Variants in THSD4 observed in about 807,000 individuals in gnomAD.
The protein encoded by THSD4 is thrombospondin type-1 domain-containing protein 4.
THSD4 carries 69 observed loss-of-function variants against 119.0 expected under a neutral mutation model. The observed-to-expected ratio is 0.58, with a 90% CI of 0.48 to 0.71. The LOEUF is 0.71. Ranked by LOEUF, THSD4 falls within the 30% of genes least tolerant of loss-of-function variation. THSD4 has a pLI of 0.00. For missense variants in THSD4, 1,393 were observed against 1,391.1 expected (o/e 1.00, Z -0.02); for synonymous variants, 524 against 540.4 (o/e 0.97, Z 0.42).
At chr15:71,608,880 G>A (rs1595783241) in intron 7 of THSD4, among the ~76,000 whole-genome samples, 1 of 152,328 alleles carries the variant, frequency 6.6e-6, no homozygotes, top group East Asian at 1.9e-4. Flanking sequence ...GGGGCCGGTG[G>A]ATGATTTCAC....
chr15:71,477,560 AAG>A (rs1407998932), intron 7 of THSD4, among the ~76,000 whole-genome samples: 2 of 152,224 alleles, frequency 1.3e-5, no homozygotes, highest in Non-Finnish European at 2.9e-5. Context: ...GTTATGGAAA[AAG>A]AAATAAAAGC....
Position 71,618,921 on chromosome 15 carries a change from G to A in THSD4, c.1153-41609G>A, listed in dbSNP as rs531415236. ...ATGTTTTGTTTTCTCAAAAAGGAAG[G>A]TACTTTAAACAAAAGTAACAAAAAC... is the stretch of plus-strand genomic sequence containing the variant. On this transcript the variant is annotated intron_variant, in intron 7 of 17. Transcript: ENST00000261862. 6.5e-4 allele frequency among the ~76,000 whole-genome samples: 99 copies of A among 151,672 alleles called. 1 individual carries two copies. Among genetic ancestry groups the A allele is most frequent in the African/African-American group, 2.0e-3 (83 of 41,314 alleles).
At chr15:71,267,788 A>G (rs1325818809) in intron 6 of THSD4, among the ~76,000 whole-genome samples, 1 of 152,204 alleles carries the variant, frequency 6.6e-6, no homozygotes, top group Admixed American at 6.5e-5. Context: ...AATGGAAAGC[A>G]AAAAAGGCAT....
At chr15:71,344,452 T>G (rs1397393377) in intron 6 of THSD4, among the ~76,000 whole-genome samples, 1 of 152,094 alleles carries the variant, frequency 6.6e-6, no homozygotes, top group East Asian at 1.9e-4. Context: ...AGGGCACCAT[T>G]CAGCTCACCA....
intron 3 of THSD4, among the ~76,000 whole-genome samples, chr15:71,199,880 G>GTGTGTGA (rs2043781109): frequency 5.7e-4 from 21 of 37,108 alleles, no homozygotes; most frequent in Admixed American, 1.9e-3. Context: ...TGTGTGTGTG[G>GTGTGTGA]TGCATGTGTG....
chr15:71,119,369 C>T (rs2040389950), intron 1 of THSD4, among the ~76,000 whole-genome samples: 1 of 152,216 alleles, frequency 6.6e-6, no homozygotes, highest in South Asian at 2.1e-4. Context: ...TTCTTCCGCA[C>T]ACCCAGGTTT....
At chr15:71,365,131 T>TTGTGTGTGTGTGTGGG (rs2045942098) in intron 6 of THSD4, among the ~76,000 whole-genome samples, 1 of 135,824 alleles carries the variant, frequency 7.4e-6, no homozygotes, top group African/African-American at 2.7e-5. Flanking sequence ...GCCCCCCCCA[T>TTGTGTGTGTGTGTGGG]TGTGTGTGTG....
At chr15:71,424,596 A>C (rs1238469575) in intron 7 of THSD4, among the ~76,000 whole-genome samples, 1 of 152,160 alleles carries the variant, frequency 6.6e-6, no homozygotes, top group Non-Finnish European at 1.5e-5. Context: ...ATATCTGGCC[A>C]GTCTTCAGAG....
At chr15:71,588,374 T>C (rs1215703276) in intron 7 of THSD4, among the ~76,000 whole-genome samples, 2 of 151,412 alleles carry the variant, frequency 1.3e-5, no homozygotes, top group African/African-American at 4.9e-5. Context: ...GGAGGAAATA[T>C]CATACTGGTG....
chr15:71,196,216 C>G (rs2043718201), intron 3 of THSD4, among the ~76,000 whole-genome samples: 1 of 151,990 alleles, frequency 6.6e-6, no homozygotes, highest in South Asian at 2.1e-4. Flanking sequence ...TCTTCAAGAC[C>G]TAATTACCTC....
intron 6 of THSD4, among the ~76,000 whole-genome samples, chr15:71,336,435 T>C (rs2045490607): frequency 6.6e-6 from 1 of 152,272 alleles, no homozygotes; most frequent in African/African-American, 2.4e-5. Flanking sequence ...AATTTTATAC[T>C]TTATCATTTT....
chr15:71,694,671 T>TG (rs1270519108), intron 8 of THSD4, among the ~76,000 whole-genome samples: 4 of 152,212 alleles, frequency 2.6e-5, no homozygotes, highest in South Asian at 2.1e-4. Context: ...GCCCATATTA[T>TG]GATGTCCCAA....
intron 10 of THSD4, chr15:71,733,951 A>ATTATTG (rs145091174): frequency 7.1e-6 from 1 of 140,194 alleles, no homozygotes; most frequent in Non-Finnish European, 1.5e-5. Context: ...GAAAGCCCTA[A>ATTATTG]TTGTTGTTGT....
chr15:71,414,432 C>T (rs2046731269), intron 7 of THSD4, among the ~76,000 whole-genome samples: 1 of 152,162 alleles, frequency 6.6e-6, no homozygotes, highest in South Asian at 2.1e-4. Flanking sequence ...TTCAGTAGGG[C>T]CTGGGGAAGG....
chr15:71,475,289 A>G (rs913805565), intron 7 of THSD4, among the ~76,000 whole-genome samples: 1 of 152,246 alleles, frequency 6.6e-6, no homozygotes, highest in Non-Finnish European at 1.5e-5. Flanking sequence ...ATTCCTTTAA[A>G]TAGCATTTTT....
At chr15:71,251,596 G>A (rs959768942) in intron 5 of THSD4, among the ~76,000 whole-genome samples, 3 of 152,146 alleles carry the variant, frequency 2.0e-5, no homozygotes, top group African/African-American at 7.2e-5. Context: ...TACATCATAT[G>A]TTGCTATGGT....
At chr15:71,690,465 G>T (rs1196965688) in intron 8 of THSD4, among the ~76,000 whole-genome samples, 1 of 152,200 alleles carries the variant, frequency 6.6e-6, no homozygotes, top group Admixed American at 6.5e-5. Context: ...GGGGACCTGA[G>T]ATGGCAAGGA....
At chr15:71,441,587 G>T (rs1259242332) in intron 7 of THSD4, among the ~76,000 whole-genome samples, 3 of 151,580 alleles carry the variant, frequency 2.0e-5, no homozygotes, top group Non-Finnish European at 4.4e-5. Flanking sequence ...TAGAGACGGG[G>T]TTTCACTATG....
chr15:71,242,614 T>C, intron 4 of THSD4, 35 bp from the exon 5 acceptor site: 1 of 1,596,636 alleles, frequency 6.3e-7, no homozygotes, highest in Non-Finnish European at 8.6e-7. Flanking sequence ...TTCATCCGAC[T>C]CTGATCATCT....
Sources: allele counts gnomAD v4.1 joint callset (sites outside exome capture counted in the v4.1 genomes callset), GRCh38; gene constraint gnomAD v4.1.1; transcripts MANE v1.5; gene names NCBI Gene and HGNC (gene_info 2026-07-23, HGNC 2026-07-21).